The following GAREM1 variants were observed in gnomAD, a reference collection of about 807,000 sequenced individuals.
GAREM1 encodes the protein GRB2 associated regulator of MAPK1 subtype 1, also known as GRB2-associated and regulator of MAPK protein 1.
GAREM1 carries 26 observed loss-of-function variants against 71.3 expected under a neutral mutation model. That is an observed-to-expected ratio of 0.36 (90% CI 0.27 to 0.51). The LOEUF is 0.51. GAREM1 is among the 20% of genes least tolerant of loss of function. The pLI is 0.95. For synonymous variants in GAREM1, 440 were observed against 433.2 expected, an observed-to-expected ratio of 1.02 and a Z score of -0.20; for missense variants, 1,026 against 1,103.1, an observed-to-expected ratio of 0.93 and a Z score of 0.99.
intron 2 of GAREM1, among the ~76,000 whole-genome samples, chr18:32,330,181 C>A (rs677721): frequency 0.28 from 42,765 of 151,950 alleles, 7,525 homozygotes; most frequent in African/African-American, 0.5. Flanking sequence ...CAGCCATAAA[C>A]GAGAACAAAT....
chr18:32,299,689 G>A (rs925847198), intron 3 of GAREM1, among the ~76,000 whole-genome samples: 1 of 152,112 alleles, frequency 6.6e-6, no homozygotes, highest in Non-Finnish European at 1.5e-5. Flanking sequence ...GGATGTTGTT[G>A]ATGTTGGAGC....
chr18:32,329,046 AGC>A (rs2047501935), intron 2 of GAREM1, among the ~76,000 whole-genome samples: 1 of 152,214 alleles, frequency 6.6e-6, no homozygotes, highest in African/African-American at 2.4e-5. Context: ...TGTGAAAAGA[AGC>A]TCAACCAGCC....
chr18:32,470,103 G>C lies in GAREM1; in HGVS notation c.121+205C>G, dbSNP rs2049035857. 6.6e-6 allele frequency among the ~76,000 whole-genome samples: 1 copy of C among 152,030 alleles called. No homozygotes were observed. The highest frequency in any genetic ancestry group is 2.1e-4 in the South Asian group (1 of 4,832). The stretch of plus-strand genomic sequence containing the variant: ...GGCGTCCTTTTTAATTATACTGCAA[G>C]GACTCTGATTTCCACCTCCTTGTCT... On this transcript the variant is annotated intron_variant, in intron 1 of 5. Coordinates refer to ENST00000269209, the MANE Select transcript of GAREM1 (RefSeq NM_001242409.2). This position sits in a 1 kb window ranked among gnomAD's most constrained non-coding sequence, Gnocchi z 4.4.
chr18:32,320,324 TTTCTGC>T (rs1160922248), intron 2 of GAREM1, among the ~76,000 whole-genome samples: 34 of 152,302 alleles, frequency 2.2e-4, no homozygotes, highest in South Asian at 6.2e-4. Flanking sequence ...ATCTTTGAAA[TTTCTGC>T]TGATCTTAAT....
Position 32,267,643 on chromosome 18 carries a change from TGTTGAGTGAC to T in GAREM1, c.*218_*227del. The T allele has an allele frequency of 4.7e-6, 2 of 426,452 alleles. No individual in the cohort carries two copies. Among genetic ancestry groups the T allele is most frequent in the Admixed American group, 7.9e-5 (2 of 25,474 alleles). 26.4% of individuals were successfully genotyped at this position (426,452 alleles called of 1,614,324 possible). A position where few individuals can be genotyped will look rare whatever the true frequency, so the allele number is the denominator to read the frequency against. On this transcript the variant is annotated 3_prime_UTR_variant, in exon 6 of 6. Transcript: ENST00000269209. The stretch of plus-strand genomic sequence containing the variant: ...TTTCTTTTAGCAGCTGCTGAGTGTT[TGTTGAGTGAC>T]GTACAAGGCACACCTCCAAGTGTTC...
intron 3 of GAREM1, among the ~76,000 whole-genome samples, chr18:32,304,731 G>C (rs1318805244): frequency 6.6e-6 from 1 of 152,154 alleles, no homozygotes; most frequent in Non-Finnish European, 1.5e-5. Flanking sequence ...AAGACACTGT[G>C]GGCTCAGGTC....
chr18:32,267,807 C>G lies in GAREM1; in HGVS notation c.*64G>C. 7.5e-7 allele frequency: 1 copy of G among 1,341,668 alleles called. No homozygotes were observed. Among genetic ancestry groups the G allele is most frequent in the Non-Finnish European group, 1.0e-6 (1 of 972,180 alleles). 83.1% of individuals were successfully genotyped at this position (1,341,668 alleles called of 1,614,324 possible). On this transcript the variant is annotated 3_prime_UTR_variant, in exon 6 of 6. Coordinates refer to ENST00000269209, the MANE Select transcript of GAREM1 (RefSeq NM_001242409.2). Reference sequence around the variant, plus strand: ...AGTGCAAAAACATGAAATTGTGTCCCAGCCCACCCCTTCTAGCACACGCAT... The same window carrying G: ...AGTGCAAAAACATGAAATTGTGTCCGAGCCCACCCCTTCTAGCACACGCAT...
In GAREM1 at chr18:32,309,443, A is replaced by G. The variant is rs547600003; in HGVS notation, c.393+750T>C. On this transcript the variant is annotated intron_variant, in intron 3 of 5. Coordinates refer to ENST00000269209, the MANE Select transcript of GAREM1 (RefSeq NM_001242409.2). Reference sequence around the variant, plus strand: ...ATCCTGGCTAACACGGTGAAACCCCATCTCTACTAAAAATACAAAAAAAAT... The same window carrying G: ...ATCCTGGCTAACACGGTGAAACCCCGTCTCTACTAAAAATACAAAAAAAAT... Among the ~76,000 whole-genome samples the G allele has an allele frequency of 6.5e-4, 89 of 137,868 alleles. 6 individuals carry two copies. Among genetic ancestry groups the G allele is most frequent in the Non-Finnish European group, 9.0e-4 (56 of 62,162 alleles). The allele number at this position is 137,868 out of a possible 152,430, so 90.4% of individuals were successfully genotyped here.
chr18:32,459,663 G>A (rs1430354854), intron 1 of GAREM1, among the ~76,000 whole-genome samples: 2 of 152,044 alleles, frequency 1.3e-5, no homozygotes, highest in African/African-American at 4.8e-5. Context: ...GCGGTCAAAG[G>A]TAAAAAATGA....
chr18:32,396,550 G>A (rs1349512463), intron 1 of GAREM1, among the ~76,000 whole-genome samples: 1 of 152,180 alleles, frequency 6.6e-6, no homozygotes, highest in East Asian at 1.9e-4. Flanking sequence ...GGAAGAAAGG[G>A]TATCAGTGAT....
At chr18:32,459,477 G>GA (rs1397791229) in intron 1 of GAREM1, among the ~76,000 whole-genome samples, 2 of 151,692 alleles carry the variant, frequency 1.3e-5, no homozygotes, top group Non-Finnish European at 2.9e-5. Flanking sequence ...AAAATAAACA[G>GA]AAAAAATAAG....
chr18:32,378,366 G>A (rs1224617031), intron 2 of GAREM1, among the ~76,000 whole-genome samples: 1 of 151,898 alleles, frequency 6.6e-6, no homozygotes, highest in Non-Finnish European at 1.5e-5. Context: ...CAAGCATGGT[G>A]GCAGGTGCCT....
intron 1 of GAREM1, among the ~76,000 whole-genome samples, chr18:32,466,340 C>A (rs2048998986): frequency 6.6e-6 from 1 of 152,036 alleles, no homozygotes; most frequent in African/African-American, 2.4e-5. Flanking sequence ...AAGATTGATT[C>A]TTGAATCTCA....
chr18:32,453,230 T>C (rs2048857516), intron 1 of GAREM1, among the ~76,000 whole-genome samples: 1 of 151,924 alleles, frequency 6.6e-6, no homozygotes, highest in Admixed American at 6.6e-5. Context: ...ATGAGAACAG[T>C]ACAGGGGAAA....
At chr18:32,342,765 T>C (rs1461293229) in intron 2 of GAREM1, among the ~76,000 whole-genome samples, 3 of 152,202 alleles carry the variant, frequency 2.0e-5, no homozygotes, top group Non-Finnish European at 4.4e-5. Context: ...CAAATGTCTG[T>C]TGAATAAATG....
chr18:32,442,502 G>A (rs1288874429), intron 1 of GAREM1, among the ~76,000 whole-genome samples: 1 of 152,020 alleles, frequency 6.6e-6, no homozygotes, highest in Non-Finnish European at 1.5e-5. Context: ...GCTAAATTAA[G>A]CATACTAAAG....
chr18:32,273,179 T>C lies in GAREM1; in HGVS notation c.1567-2796A>G, dbSNP rs770492748. 7.2e-5 allele frequency among the ~76,000 whole-genome samples: 11 copies of C among 152,200 alleles called. No individual in the cohort carries two copies. In the East Asian group the frequency reaches 1.3e-3, roughly 19 times the overall value. ...ATAAATACTTAGCTACTTCCCAATA[T>C]TGGATTAGAGTGGAACATGAGGAAA... On this transcript the variant is annotated intron_variant, in intron 4 of 5. Transcript: ENST00000269209.
chr18:32,309,729 A>G (rs150353039), intron 3 of GAREM1, among the ~76,000 whole-genome samples: 1 of 151,930 alleles, frequency 6.6e-6, no homozygotes, highest in Non-Finnish European at 1.5e-5. Context: ...TGAAATAGAT[A>G]GTCCACAAAG....
At chr18:32,423,062 G>A (rs1300104087) in intron 1 of GAREM1, among the ~76,000 whole-genome samples, 1 of 152,170 alleles carries the variant, frequency 6.6e-6, no homozygotes, top group African/African-American at 2.4e-5. Context: ...CCTAAATTGT[G>A]TATCTCAATG....
Sources: gnomAD v4.1 joint callset for allele counts (sites outside exome capture counted in the v4.1 genomes callset) on GRCh38, gnomAD v4.1.1 for gene constraint, Gnocchi (gnomAD v3.1) non-coding constraint, MANE v1.5 for transcripts, NCBI Gene and HGNC (gene_info 2026-07-23, HGNC 2026-07-21) for gene names.